Variants in PLXNC1 observed in about 807,000 individuals in gnomAD.
The protein encoded by PLXNC1 is plexin C1.
In PLXNC1, 75 loss-of-function variants were observed where a neutral mutation model predicts 178.2. The ratio of observed to expected loss-of-function variants is 0.42; its 90% confidence interval spans 0.35 to 0.51. PLXNC1 has a LOEUF of 0.51. Among genes scored for constraint, PLXNC1 ranks in the 20% least tolerant of loss-of-function variants. The pLI is 0.02. For missense variants in PLXNC1, 1,503 were observed against 1,984.4 expected (o/e 0.76, Z 4.61); for synonymous variants, 790 against 779.9 (o/e 1.01, Z -0.22).
At chr12:94,236,613 T>C (rs1964247508) in intron 9 of PLXNC1, among the ~76,000 whole-genome samples, 1 of 152,084 alleles carries the variant, frequency 6.6e-6, no homozygotes, top group Admixed American at 6.5e-5. Context: ...CATTTTCAAA[T>C]ATCAAGACTG....
At position 94,303,747 on chromosome 12, in the gene PLXNC1, T is replaced by TTTC. The variant is rs1358715861; in HGVS notation, c.4387-8_4387-6dup. The TTTC allele has an allele frequency of 3.5e-6, 5 of 1,410,726 alleles. No homozygotes were observed. The highest frequency in any genetic ancestry group is 1.5e-5 in the African/African-American group (1 of 65,144). 87.4% of individuals were successfully genotyped at this position (1,410,726 alleles called of 1,614,324 possible). On this transcript the variant is annotated splice_polypyrimidine_tract_variant and intron_variant, in intron 28 of 30. Coordinates refer to ENST00000258526, the MANE Select transcript of PLXNC1 (RefSeq NM_005761.3). ...GTGATGGTTGCTTTTTTTTTTTTTTTTTCCCCAGGAAGCACCAACTAATAA... is the reference window on the plus strand; with the variant it reads ...GTGATGGTTGCTTTTTTTTTTTTTTTTTCTTCCCCAGGAAGCACCAACTAATAA...
chr12:94,155,105 C>T (rs1592715832), intron 1 of PLXNC1, among the ~76,000 whole-genome samples: 1 of 152,204 alleles, frequency 6.6e-6, no homozygotes, highest in East Asian at 1.9e-4. Flanking sequence ...CACCTCTTCC[C>T]AGGTACTTCC....
intron 14 of PLXNC1, among the ~76,000 whole-genome samples, chr12:94,249,938 T>A (rs1050227260): frequency 5.5e-5 from 1 of 18,288 alleles, no homozygotes; most frequent in African/African-American, 1.5e-4. Context: ...TGTGGGGGGG[T>A]GGGGGGGTGG....
intron 4 of PLXNC1, among the ~76,000 whole-genome samples, chr12:94,191,494 G>T (rs1041122967): frequency 5.9e-5 from 9 of 152,136 alleles, no homozygotes; most frequent in Non-Finnish European, 1.0e-4. Context: ...GTTAAGAATA[G>T]GCATCCAGAC....
intron 2 of PLXNC1, among the ~76,000 whole-genome samples, chr12:94,173,078 T>G (rs1228552850): frequency 2.0e-5 from 3 of 152,186 alleles, no homozygotes; most frequent in Non-Finnish European, 1.5e-5. Flanking sequence ...CCATCCTGCT[T>G]CTTTTCGGAA....
Position 94,297,351 on chromosome 12 carries a change from A to C in PLXNC1, c.4002A>C (p.Gln1334His). 6.2e-7 allele frequency: 1 copy of C among 1,614,092 alleles called. No homozygotes were observed. The highest frequency in any genetic ancestry group is 1.1e-5 in the South Asian group (1 of 91,086). ...ATTCGGAAGCATTCCAAGATGTGCA[A>C]GGAAAGAGACATCGAGGGAAGCACA... ...LPDSEAFQDV[Q>H]GKRHRGKHKF... The change falls in exon 26 of 31, where the codon CAA (glutamine) becomes CAC (histidine). Residue 1334 changes from glutamine (Q) to histidine (H), a missense_variant. Coordinates refer to ENST00000258526, the MANE Select transcript of PLXNC1 (RefSeq NM_005761.3).
intron 2 of PLXNC1, among the ~76,000 whole-genome samples, chr12:94,176,982 G>C (rs1210188105): frequency 6.6e-6 from 1 of 150,526 alleles, no homozygotes; most frequent in East Asian, 1.9e-4. Flanking sequence ...CCTATTGCTG[G>C]AGATTTAAGT....
intron 2 of PLXNC1, among the ~76,000 whole-genome samples, chr12:94,177,174 TAC>T (rs1555195621): frequency 7.1e-5 from 4 of 56,366 alleles, no homozygotes; most frequent in African/African-American, 3.9e-4. Context: ...TATATATATA[TAC>T]GTATATATAT....
intron 2 of PLXNC1, among the ~76,000 whole-genome samples, chr12:94,179,310 G>A (rs1383851300): frequency 6.6e-6 from 1 of 152,216 alleles, no homozygotes; most frequent in African/African-American, 2.4e-5. Flanking sequence ...GTCTACAGTG[G>A]TAGAGATATG....
chr12:94,157,715 G>C (rs1414149498), intron 1 of PLXNC1, among the ~76,000 whole-genome samples: 6 of 152,140 alleles, frequency 3.9e-5, no homozygotes, highest in Admixed American at 2.0e-4. Context: ...CCACCACCCT[G>C]GTCAATGCTG....
chr12:94,290,876 C>A (rs569215071), intron 23 of PLXNC1, among the ~76,000 whole-genome samples: 1 of 152,330 alleles, frequency 6.6e-6, no homozygotes, highest in Admixed American at 6.5e-5. Flanking sequence ...CAGGGTCAGT[C>A]CTCCAGAAAC....
At chr12:94,229,778 G>A (rs563646115) in intron 9 of PLXNC1, among the ~76,000 whole-genome samples, 179 of 152,214 alleles carry the variant, frequency 1.2e-3, no homozygotes, top group Admixed American at 5.3e-3. Context: ...TGGCAGTAAC[G>A]CACTGTTTGA....
chr12:94,261,497 T>G (rs936300147), intron 20 of PLXNC1, among the ~76,000 whole-genome samples: 8 of 152,236 alleles, frequency 5.3e-5, no homozygotes, highest in Admixed American at 5.2e-4. Context: ...TTAGGACTAT[T>G]TTGAAGTACA....
chr12:94,201,748 C>CTTTTTTTTTT lies in PLXNC1; in HGVS notation c.1440-7813_1440-7804dup, dbSNP rs10529488. On this transcript the variant is annotated intron_variant, in intron 4 of 30. Coordinates refer to ENST00000258526, the MANE Select transcript of PLXNC1 (RefSeq NM_005761.3). ...TCTGCCTGGACTGCTCTTCCCACTA[C>CTTTTTTTTTT]TTTTTTTTTTTTTTTTTTTTTTTTT... 7.3e-5 allele frequency among the ~76,000 whole-genome samples: 4 copies of CTTTTTTTTTT among 54,422 alleles called. 2 individuals carry two copies. The highest frequency in any genetic ancestry group is 2.9e-4 in the African/African-American group (4 of 13,690). The allele number at this position is 54,422 out of a possible 152,430, so 35.7% of individuals were successfully genotyped here. A position where few individuals can be genotyped will look rare whatever the true frequency, so the allele number is the denominator to read the frequency against.
chr12:94,266,799 A>T (rs1240416219), intron 21 of PLXNC1, among the ~76,000 whole-genome samples: 1 of 152,216 alleles, frequency 6.6e-6, no homozygotes, highest in African/African-American at 2.4e-5. Context: ...AAGCACTTAG[A>T]ACATTGCCAG....
At chr12:94,234,186 G>C (rs2136041857) in intron 9 of PLXNC1, among the ~76,000 whole-genome samples, 1 of 152,110 alleles carries the variant, frequency 6.6e-6, no homozygotes, top group East Asian at 1.9e-4. Flanking sequence ...TTAATAAACT[G>C]AGCCCTCCTA....
Position 94,260,132 on chromosome 12 carries a change from A to G in PLXNC1, c.3251+398A>G, listed in dbSNP as rs1964954490. On this transcript the variant is annotated intron_variant, in intron 19 of 30. Coordinates refer to ENST00000258526, the MANE Select transcript of PLXNC1 (RefSeq NM_005761.3). This position sits in a 1 kb window ranked among gnomAD's most constrained non-coding sequence, Gnocchi z 4.4. ...GAAGTGTGTGATCATAGGTCACTGC[A>G]GCCTCATCCTCCTGGGCTCAAGCTA... Among the ~76,000 whole-genome samples, 1 of 152,122 alleles carries G rather than the reference A, an allele frequency of 6.6e-6. No homozygotes were observed. The highest frequency in any genetic ancestry group is 1.5e-5 in the Non-Finnish European group (1 of 68,010).
intron 1 of PLXNC1, chr12:94,150,978 TG>T (rs972499849): frequency 9.9e-5 from 15 of 152,070 alleles, no homozygotes; most frequent in Non-Finnish European, 2.1e-4. Context: ...GTCCAGTTGA[TG>T]GGGATTATGG....
chr12:94,288,651 G>C (rs1966945461), intron 23 of PLXNC1, among the ~76,000 whole-genome samples: 1 of 152,190 alleles, frequency 6.6e-6, no homozygotes, highest in Non-Finnish European at 1.5e-5. Context: ...GTGAACCCCT[G>C]TGCTGAAGGA....
Sources: allele counts gnomAD v4.1 joint callset (sites outside exome capture counted in the v4.1 genomes callset), GRCh38; gene constraint gnomAD v4.1.1; non-coding constraint Gnocchi (gnomAD v3.1); transcripts MANE v1.5; gene names NCBI Gene and HGNC (gene_info 2026-07-23, HGNC 2026-07-21).